ACYP2: variants seen among roughly 807,000 people sequenced by gnomAD.
ACYP2 encodes the protein acylphosphatase-2.
In ACYP2, 12 loss-of-function variants were observed where a neutral mutation model predicts 11.2. That is an observed-to-expected ratio of 1.08 (90% CI 0.69 to 1.74). The LOEUF is 1.74. Ranked by LOEUF, ACYP2 falls within the 40% of genes most tolerant of loss-of-function variation. The pLI, the probability that ACYP2 is intolerant of heterozygous loss-of-function variation, is 0.00. For synonymous variants in ACYP2, 43 were observed against 32.2 expected (o/e 1.33, Z -1.13); for missense variants, 134 against 101.9 (o/e 1.31, Z -1.35).
At chr2:54,201,658 C>CTT (rs1171395398) in intron 6 of ACYP2, among the ~76,000 whole-genome samples, 13 of 79,072 alleles carry the variant, frequency 1.6e-4, no homozygotes, top group South Asian at 1.0e-3. Context: ...TTCTTTCTTT[C>CTT]TTTCTTTCTT....
chr2:54,293,066 A>G (rs538148149), intron 6 of ACYP2, among the ~76,000 whole-genome samples: 18 of 152,324 alleles, frequency 1.2e-4, no homozygotes, highest in Admixed American at 3.3e-4. Flanking sequence ...AACACTTTAC[A>G]GATTATTTTA....
intron 5 of ACYP2, among the ~76,000 whole-genome samples, chr2:54,137,669 A>T (rs1681335357): frequency 6.6e-6 from 1 of 151,996 alleles, no homozygotes; most frequent in Non-Finnish European, 1.5e-5. Context: ...CATTTTCTTT[A>T]TCCAGTCTAC....
intron 2 of ACYP2, among the ~76,000 whole-genome samples, chr2:54,026,466 T>C (rs1674292368): frequency 6.6e-6 from 1 of 152,202 alleles, no homozygotes; most frequent in African/African-American, 2.4e-5. Context: ...GGTGGGAATG[T>C]AAACTAGTAC....
intron 2 of ACYP2, among the ~76,000 whole-genome samples, chr2:54,031,410 A>G (rs1279338142): frequency 6.6e-6 from 1 of 151,974 alleles, no homozygotes; most frequent in Non-Finnish European, 1.5e-5. Flanking sequence ...TTTGCTCAGA[A>G]TGATGGTTTC....
At chr2:54,018,271 C>A (rs991347618) in intron 2 of ACYP2, among the ~76,000 whole-genome samples, 1 of 152,114 alleles carries the variant, frequency 6.6e-6, no homozygotes, top group African/African-American at 2.4e-5. Flanking sequence ...GTGGGTGAGG[C>A]CCAAGAATTT....
At chr2:54,119,185 T>C (rs1209999725) in intron 4 of ACYP2, among the ~76,000 whole-genome samples, 1 of 149,770 alleles carries the variant, frequency 6.7e-6, no homozygotes, top group Non-Finnish European at 1.5e-5. Context: ...CTTGAGTAGT[T>C]GGGACTACAG....
intron 2 of ACYP2, among the ~76,000 whole-genome samples, chr2:54,030,048 G>T (rs1237045818): frequency 6.6e-6 from 1 of 152,170 alleles, no homozygotes; most frequent in East Asian, 1.9e-4. Context: ...GTAGGTTGAG[G>T]TTATGAGCCC....
intron 4 of ACYP2, chr2:54,084,905 A>G (rs566885328): frequency 5.3e-5 from 8 of 152,174 alleles, no homozygotes; most frequent in Non-Finnish European, 1.2e-4. Flanking sequence ...ATAGTAGATG[A>G]TAATATTGAA....
chr2:54,281,960 T>A (rs1688866567), intron 6 of ACYP2, among the ~76,000 whole-genome samples: 1 of 152,192 alleles, frequency 6.6e-6, no homozygotes, highest in African/African-American at 2.4e-5. Context: ...TCATTACTGT[T>A]TATTTTCATT....
At chr2:54,072,566 C>CTT (rs755362524) in intron 4 of ACYP2, among the ~76,000 whole-genome samples, 15 of 55,550 alleles carry the variant, frequency 2.7e-4, no homozygotes, top group East Asian at 4.8e-4. Context: ...TTTCTTTCTT[C>CTT]TTTTTTTTTT....
At chr2:53,974,118 A>G (rs1671343033) in intron 2 of ACYP2, among the ~76,000 whole-genome samples, 1 of 150,592 alleles carries the variant, frequency 6.6e-6, no homozygotes, top group Non-Finnish European at 1.5e-5. Flanking sequence ...CTTTCACCAT[A>G]TTGGCCAGGC....
intron 6 of ACYP2, among the ~76,000 whole-genome samples, chr2:54,248,464 G>A (rs1428721327): frequency 6.6e-6 from 1 of 152,062 alleles, no homozygotes; most frequent in Non-Finnish European, 1.5e-5. Context: ...GGGATACATA[G>A]ATGAAAAGAT....
At chr2:54,143,925 C>T (rs560533641) in intron 6 of ACYP2, among the ~76,000 whole-genome samples, 1 of 152,214 alleles carries the variant, frequency 6.6e-6, no homozygotes, top group Admixed American at 6.5e-5. Flanking sequence ...CTGCTGCCTT[C>T]TCAATGTTGA....
At position 54,010,103 on chromosome 2, in the gene ACYP2, C is replaced by T. The variant is rs1469523573; in HGVS notation, c.62+36293C>T. On this transcript the variant is annotated intron_variant, in intron 2 of 6. Transcript: ENST00000607452. ...AGGAATGGGCATTTACATTTAAAAT[C>T]TTGGAGGTTGAGCAGATTTGATATC... is the stretch of plus-strand genomic sequence containing the variant. Among the ~76,000 whole-genome samples, 9 of 152,270 alleles carry T rather than the reference C, an allele frequency of 5.9e-5. No individual in the cohort carries two copies. In the East Asian group the frequency reaches 1.7e-3, roughly 29 times the overall value.
At chr2:54,278,986 C>CAGT (rs1330766839) in intron 6 of ACYP2, among the ~76,000 whole-genome samples, 4 of 152,158 alleles carry the variant, frequency 2.6e-5, no homozygotes, top group Non-Finnish European at 5.9e-5. Flanking sequence ...CTGTGATGTA[C>CAGT]AGTCATGGAA....
chr2:54,015,440 A>G (rs996344557), intron 2 of ACYP2, among the ~76,000 whole-genome samples: 7 of 151,978 alleles, frequency 4.6e-5, no homozygotes, highest in Non-Finnish European at 1.0e-4. Flanking sequence ...CCTGGGAGAC[A>G]GAGGTTGCGG....
intron 6 of ACYP2, among the ~76,000 whole-genome samples, chr2:54,298,595 C>T: frequency 6.6e-6 from 1 of 152,184 alleles, no homozygotes; most frequent in African/African-American, 2.4e-5. Flanking sequence ...AGAAATGGTC[C>T]AGTTAACACA....
intron 2 of ACYP2, among the ~76,000 whole-genome samples, chr2:54,005,364 G>C (rs1673009958): frequency 6.7e-6 from 1 of 150,222 alleles, no homozygotes; most frequent in African/African-American, 2.4e-5. Flanking sequence ...TTTTGAGACG[G>C]AGTCTTATTC....
At chr2:54,216,837 C>A (rs1364225079) in intron 6 of ACYP2, among the ~76,000 whole-genome samples, 1 of 152,312 alleles carries the variant, frequency 6.6e-6, no homozygotes, top group East Asian at 1.9e-4. Flanking sequence ...GCACTGAGGT[C>A]TAATCACATT....
Sources: gnomAD v4.1 joint callset for allele counts (sites outside exome capture counted in the v4.1 genomes callset) on GRCh38, gnomAD v4.1.1 for gene constraint, MANE v1.5 for transcripts, NCBI Gene and HGNC (gene_info 2026-07-23, HGNC 2026-07-21) for gene names.